Variants in FMO1 observed in about 807,000 individuals in gnomAD.
The protein encoded by FMO1 is flavin-containing monooxygenase 1.
Under a neutral mutation model 45.4 loss-of-function variants are expected in FMO1, and 36 were observed. The observed-to-expected ratio is 0.79, with a 90% CI of 0.61 to 1.05. The LOEUF is 1.05. Among genes scored for constraint, FMO1 ranks in the 50% least tolerant of loss-of-function variants. The probability of loss-of-function intolerance (pLI) is 0.00; values close to 1 mark genes in which losing one functional copy is unlikely to be tolerated. For synonymous variants in FMO1, 228 were observed against 227.2 expected (o/e 1.00, Z -0.03); for missense variants, 615 against 640.3 (o/e 0.96, Z 0.43).
chr1:171,277,753 A>T (rs1284373623), intron 4 of FMO1, among the ~76,000 whole-genome samples: 1 of 152,194 alleles, frequency 6.6e-6, no homozygotes, highest in Non-Finnish European at 1.5e-5. Context: ...ATCCTTGCTA[A>T]ATTCCAAATG....
At chr1:171,267,498 T>A (rs758343045) in intron 2 of FMO1, 45 bp from the exon 3 acceptor site, 9 of 1,446,380 alleles carry the variant, frequency 6.2e-6, no homozygotes, top group Non-Finnish European at 8.4e-6. Context: ...CAGGCTTATT[T>A]ATGAGCATGC....
In FMO1 at chr1:171,267,680, T is replaced by C. The variant is rs772582247; in HGVS notation, c.270T>C (p.Tyr90=). ...NYVPNSQFLE[Y]LKMYANHFDL... ...TGCCAAATTCTCAATTCCTGGAATA[T>C]CTCAAAATGTATGCAAACCACTTTG... The change falls in exon 3 of 9, where the codon TAT becomes TAC. Residue 90 remains tyrosine (Y), a synonymous_variant. Coordinates refer to ENST00000617670, the MANE Select transcript of FMO1 (RefSeq NM_001282693.2). The C allele has an allele frequency of 6.2e-6, 10 of 1,614,042 alleles. No homozygotes were observed. The Admixed American group carries it at 1.7e-4, about 27-fold the overall frequency.
intron 1 of FMO1, chr1:171,257,714 TC>T: frequency 3.9e-6 from 1 of 254,454 alleles, no homozygotes; most frequent in Non-Finnish European, 7.7e-6. Context: ...GGTGACCTTT[TC>T]CTAGTCTGCT....
At chr1:171,269,318 A>G (rs1467529877) in intron 3 of FMO1, among the ~76,000 whole-genome samples, 3 of 152,172 alleles carry the variant, frequency 2.0e-5, no homozygotes, top group Non-Finnish European at 4.4e-5. Context: ...AACTTCCTAG[A>G]GACTTGTTGA....
chr1:171,284,976 C>A (rs1010925639), intron 8 of FMO1, among the ~76,000 whole-genome samples: 5 of 152,008 alleles, frequency 3.3e-5, no homozygotes, highest in Admixed American at 2.0e-4. Flanking sequence ...ATTATGAGCA[C>A]TCAGAGCACC....
intron 2 of FMO1, among the ~76,000 whole-genome samples, chr1:171,261,674 A>C (rs1660383471): frequency 6.6e-6 from 1 of 152,140 alleles, no homozygotes; most frequent in African/African-American, 2.4e-5. Flanking sequence ...GCTTGAGCCC[A>C]GGAGTTCAAG....
At chr1:171,281,887 A>C in intron 6 of FMO1, 91 bp from the exon 7 acceptor site, 4 of 686,796 alleles carry the variant, frequency 5.8e-6, no homozygotes. Context: ...CCAAGGAGAG[A>C]GCCCCAGAAT....
intron 2 of FMO1, among the ~76,000 whole-genome samples, chr1:171,260,207 T>C (rs751421160): frequency 2.0e-5 from 3 of 151,966 alleles, no homozygotes; most frequent in Non-Finnish European, 4.4e-5. Context: ...GGGCAAGGGG[T>C]TTATACTCAG....
chr1:171,267,849 C>A (rs1660682540), intron 3 of FMO1, 118 bp downstream of exon 3: 2 of 682,074 alleles, frequency 2.9e-6, no homozygotes, highest in Non-Finnish European at 4.9e-6. Flanking sequence ...ATTAATGACA[C>A]CTGGCTGTAT....
chr1:171,253,692 C>T (rs28384831), intron 1 of FMO1, among the ~76,000 whole-genome samples: 31 of 151,862 alleles, frequency 2.0e-4, no homozygotes, highest in South Asian at 4.2e-4. Flanking sequence ...ACCCAGGAGG[C>T]GGAGGTTGCA....
At chr1:171,255,903 T>G (rs959134744) in intron 1 of FMO1, among the ~76,000 whole-genome samples, 5 of 152,198 alleles carry the variant, frequency 3.3e-5, no homozygotes, top group Non-Finnish European at 5.9e-5. Context: ...TATGCAATAC[T>G]CTTTCCTTTT....
At chr1:171,284,669 T>C (rs1329325605) in intron 8 of FMO1, among the ~76,000 whole-genome samples, 1 of 150,798 alleles carries the variant, frequency 6.6e-6, no homozygotes, top group Non-Finnish European at 1.5e-5. Context: ...GAGTTCAAGG[T>C]TGCAGTGAGC....
chr1:171,272,630 A>G (rs577867346), intron 3 of FMO1, among the ~76,000 whole-genome samples: 2 of 152,234 alleles, frequency 1.3e-5, no homozygotes, highest in Non-Finnish European at 2.9e-5. Flanking sequence ...GATGTGAGAC[A>G]TGGAGTCAAA....
intron 3 of FMO1, among the ~76,000 whole-genome samples, chr1:171,274,507 A>G (rs1175433405): frequency 6.6e-6 from 1 of 152,134 alleles, no homozygotes; most frequent in African/African-American, 2.4e-5. Context: ...GATTAAAAAT[A>G]AATCTATTTT....
intron 3 of FMO1, among the ~76,000 whole-genome samples, chr1:171,268,828 G>C (rs1384476395): frequency 6.6e-6 from 1 of 152,204 alleles, no homozygotes; most frequent in Non-Finnish European, 1.5e-5. Context: ...ATATGGTTTG[G>C]CTGTGTCGCC....
intron 1 of FMO1, among the ~76,000 whole-genome samples, chr1:171,256,791 G>A (rs899770757): frequency 1.3e-5 from 2 of 152,098 alleles, no homozygotes; most frequent in Admixed American, 6.6e-5. Flanking sequence ...GCTTTGAGAA[G>A]AGAATTCACC....
intron 2 of FMO1, among the ~76,000 whole-genome samples, chr1:171,261,348 G>A (rs1048118401): frequency 8.1e-6 from 1 of 123,300 alleles, no homozygotes; most frequent in South Asian, 2.5e-4. Context: ...CACACAAAAG[G>A]TTAGAGATGT....
At chr1:171,266,695 C>T (rs1660630860) in intron 2 of FMO1, among the ~76,000 whole-genome samples, 2 of 152,120 alleles carry the variant, frequency 1.3e-5, no homozygotes, top group African/African-American at 2.4e-5. Context: ...TCTACTTGTT[C>T]ACATAAATTA....
At chr1:171,279,086 TTAC>T (rs1661246341) in intron 5 of FMO1, among the ~76,000 whole-genome samples, 1 of 143,498 alleles carries the variant, frequency 7.0e-6, no homozygotes, top group African/African-American at 2.9e-5. Flanking sequence ...TGACTTCTTT[TTAC>T]TTTTTTTTTT....
Sources: gnomAD v4.1 joint callset for allele counts (sites outside exome capture counted in the v4.1 genomes callset) on GRCh38, gnomAD v4.1.1 for gene constraint, MANE v1.5 for transcripts, NCBI Gene and HGNC (gene_info 2026-07-23, HGNC 2026-07-21) for gene names.